Variants in SNTG2 observed in about 807,000 individuals in gnomAD.
The protein encoded by SNTG2 is gamma-2-syntrophin.
In SNTG2, 74 loss-of-function variants were observed where a neutral mutation model predicts 70.9. That is an observed-to-expected ratio of 1.04 (90% CI 0.86 to 1.27). The LOEUF (loss-of-function observed/expected upper bound fraction) is 1.27. SNTG2 is among the 50% of genes most tolerant of loss of function. The probability of loss-of-function intolerance (pLI) is 0.00; values close to 1 mark genes in which losing one functional copy is unlikely to be tolerated. For missense variants in SNTG2, 717 were observed against 690.7 expected (o/e 1.04, Z -0.43); for synonymous variants, 278 against 273.8 (o/e 1.02, Z -0.15).
chr2:1,174,792 C>T (rs1242526715), intron 8 of SNTG2, among the ~76,000 whole-genome samples: 1 of 152,102 alleles, frequency 6.6e-6, no homozygotes, highest in Non-Finnish European at 1.5e-5. Flanking sequence ...GTTTTGTTTA[C>T]TGTTTCTATT....
At chr2:988,543 A>G (rs533098425) in intron 1 of SNTG2, among the ~76,000 whole-genome samples, 16 of 152,300 alleles carry the variant, frequency 1.1e-4, no homozygotes, top group African/African-American at 3.8e-4. Context: ...TTGAGGTGCC[A>G]CAGTCTGCTC....
At chr2:1,118,272 C>G (rs918158067) in intron 4 of SNTG2, among the ~76,000 whole-genome samples, 1 of 152,060 alleles carries the variant, frequency 6.6e-6, no homozygotes, top group African/African-American at 2.4e-5. Context: ...GAGAAAGATC[C>G]CCTCAGCTGA....
At chr2:989,012 A>G (rs1296187086) in intron 1 of SNTG2, among the ~76,000 whole-genome samples, 1 of 152,032 alleles carries the variant, frequency 6.6e-6, no homozygotes, top group African/African-American at 2.4e-5. Flanking sequence ...AATTTTTTTA[A>G]ATTTCAGTTT....
At chr2:1,153,412 A>G (rs1669650830) in intron 6 of SNTG2, among the ~76,000 whole-genome samples, 1 of 152,234 alleles carries the variant, frequency 6.6e-6, no homozygotes, top group African/African-American at 2.4e-5. Flanking sequence ...AAAGATCCAC[A>G]TTTTAGAAGA....
At chr2:1,299,922 C>G (rs140967330) in intron 14 of SNTG2, among the ~76,000 whole-genome samples, 3 of 151,832 alleles carry the variant, frequency 2.0e-5, no homozygotes, top group African/African-American at 4.8e-5. Flanking sequence ...CCTTAAATGA[C>G]GGCACTGTGA....
At chr2:1,198,654 A>G (rs185287845) in intron 8 of SNTG2, among the ~76,000 whole-genome samples, 1 of 152,196 alleles carries the variant, frequency 6.6e-6, no homozygotes, top group East Asian at 1.9e-4. Context: ...ACTGCTAGCT[A>G]AACAAAAAAT....
At chr2:1,339,168 T>C (rs1448123612) in intron 16 of SNTG2, among the ~76,000 whole-genome samples, 1 of 152,254 alleles carries the variant, frequency 6.6e-6, no homozygotes, top group Non-Finnish European at 1.5e-5. Flanking sequence ...GTGTGTCTTC[T>C]TTGGAGAAAC....
chr2:1,174,178 C>G (rs1413578600), intron 8 of SNTG2, among the ~76,000 whole-genome samples: 1 of 152,140 alleles, frequency 6.6e-6, no homozygotes, highest in Non-Finnish European at 1.5e-5. Context: ...AATATTGTCC[C>G]TAGCTTTCCA....
At position 1,367,394 on chromosome 2, in the gene SNTG2, A is replaced by C; in HGVS notation, c.1540A>C (p.Ile514Leu). 6.4e-7 allele frequency: 1 copy of C among 1,551,752 alleles called. No homozygotes were observed. The highest frequency in any genetic ancestry group is 8.7e-7 in the Non-Finnish European group (1 of 1,147,010). ...TGTCCTGCACTGCATCCACTCCTTC[A>C]TAGCAGCCAAGGTGGCCTCCGTGGA... The part of the protein sequence containing the change: ...RAVLHCIHSF[I>L]AAKVASVDPG... The change falls in exon 17 of 17, where the codon ATA becomes CTA. Residue 514 changes from isoleucine to leucine, a missense_variant. Transcript: ENST00000308624.
chr2:1,200,957 G>A (rs941596336), intron 8 of SNTG2, among the ~76,000 whole-genome samples: 2 of 151,930 alleles, frequency 1.3e-5, no homozygotes, highest in African/African-American at 2.4e-5. Context: ...AGAAATGTAC[G>A]TTAGTACAAC....
rs755860711 is a variant in SNTG2, at chr2:1,308,595, C to G, written c.1377+9C>G. On this transcript the variant is annotated intron_variant, in intron 15 of 16. Coordinates refer to ENST00000308624, the MANE Select transcript of SNTG2 (RefSeq NM_018968.4). ...TTGAGAGTAAGACCAAGGTAAGAGG[C>G]CAAGCAGGCATCCATGCCGCCCCAT... 1.8e-5 allele frequency: 28 copies of G among 1,548,958 alleles called. No homozygotes were observed. The highest frequency in any genetic ancestry group is 2.3e-5 in the Non-Finnish European group (26 of 1,144,672).
At chr2:1,112,285 C>A (rs1442556770) in intron 4 of SNTG2, among the ~76,000 whole-genome samples, 2 of 151,198 alleles carry the variant, frequency 1.3e-5, no homozygotes, top group Admixed American at 1.3e-4. Flanking sequence ...TGAGGTTTAA[C>A]CCTTACAGTC....
At chr2:1,197,371 A>G (rs1445864147) in intron 8 of SNTG2, among the ~76,000 whole-genome samples, 3 of 151,686 alleles carry the variant, frequency 2.0e-5, no homozygotes. Context: ...AAAAAAAGAC[A>G]CAAAGAAGAT....
In SNTG2 at chr2:1,114,607, A is replaced by G. The variant is rs376562795; in HGVS notation, c.325+16197A>G. ...CCTTTGAGGAGGATCGTGTGTAGTA[A>G]GTGAGGTTTAACCCTTACAGTCCTT... On this transcript the variant is annotated intron_variant, in intron 4 of 16. Coordinates refer to ENST00000308624, the MANE Select transcript of SNTG2 (RefSeq NM_018968.4). 2.0e-5 allele frequency among the ~76,000 whole-genome samples: 3 copies of G among 148,892 alleles called. No individual in the cohort carries two copies. The East Asian group carries it at 5.8e-4, about 29-fold the overall frequency.
intron 13 of SNTG2, among the ~76,000 whole-genome samples, chr2:1,267,047 A>C (rs1678777788): frequency 6.6e-6 from 1 of 152,212 alleles, no homozygotes; most frequent in Non-Finnish European, 1.5e-5. Context: ...CTGGGATTAC[A>C]GGCGTGAGCC....
intron 1 of SNTG2, among the ~76,000 whole-genome samples, chr2:1,028,930 A>G (rs1021503351): frequency 2.0e-5 from 3 of 152,042 alleles, no homozygotes; most frequent in Admixed American, 2.0e-4. Context: ...GTTTTTAGTA[A>G]TGTGCTGTCC....
chr2:1,360,730 A>AC (rs979978234), intron 16 of SNTG2, among the ~76,000 whole-genome samples: 10 of 151,914 alleles, frequency 6.6e-5, no homozygotes, highest in Middle Eastern at 3.4e-3. Flanking sequence ...GTCTGATTTC[A>AC]CCCCCCTACA....
At chr2:1,118,497 G>A (rs1209556387) in intron 4 of SNTG2, among the ~76,000 whole-genome samples, 1 of 152,024 alleles carries the variant, frequency 6.6e-6, no homozygotes, top group African/African-American at 2.4e-5. Flanking sequence ...AGGCCCATCT[G>A]TATGTGAAAA....
At chr2:1,125,952 TATC>T (rs1057283080) in intron 4 of SNTG2, among the ~76,000 whole-genome samples, 6 of 152,332 alleles carry the variant, frequency 3.9e-5, no homozygotes, top group Middle Eastern at 3.4e-3. Context: ...TCAGGATAAT[TATC>T]ATATTCATCA....
Sources: allele counts gnomAD v4.1 joint callset (sites outside exome capture counted in the v4.1 genomes callset), GRCh38; gene constraint gnomAD v4.1.1; transcripts MANE v1.5; gene names NCBI Gene and HGNC (gene_info 2026-07-23, HGNC 2026-07-21).